Variants in TRERF1 observed in about 807,000 individuals in gnomAD.
The protein encoded by TRERF1 is transcriptional regulating factor 1.
TRERF1 carries 27 observed loss-of-function variants against 122.9 expected under a neutral mutation model. The observed-to-expected ratio is 0.22, with a 90% CI of 0.16 to 0.30. TRERF1 has a LOEUF of 0.30. TRERF1 is among the 10% of genes least tolerant of loss of function. The pLI is 1.00. For missense variants in TRERF1, 1,248 were observed against 1,560.3 expected (o/e 0.80, Z 3.37); for synonymous variants, 636 against 641.7 (o/e 0.99, Z 0.13).
chr6:42,363,501 C>T (rs1772163770), intron 2 of TRERF1, among the ~76,000 whole-genome samples: 2 of 152,092 alleles, frequency 1.3e-5, no homozygotes, highest in Admixed American at 6.5e-5. Flanking sequence ...AATTAGTTGT[C>T]CCACTCCTCC....
Position 42,228,648 on chromosome 6 carries a change from G to A in TRERF1, c.3300C>T (p.Ser1100=). ...TGTGAGTTTTCATGTGTGCATTTCG[G>A]CTTTTGATCTTGAAGAAGACTCTAA... Residue 1100 remains serine (S), a synonymous_variant, in exon 18 of 18, where the codon AGC becomes AGT. Coordinates refer to ENST00000372922, the Ensembl canonical transcript of TRERF1. The surrounding 1 kb of genome is among the most constrained non-coding windows in gnomAD (Gnocchi z 4.2). The A allele has an allele frequency of 6.2e-7, 1 of 1,601,050 alleles. No individual in the cohort carries two copies. Among genetic ancestry groups the A allele is most frequent in the African/African-American group, 1.3e-5 (1 of 74,118 alleles).
intron 2 of TRERF1, among the ~76,000 whole-genome samples, chr6:42,395,273 C>G (rs931194993): frequency 1.3e-5 from 2 of 152,192 alleles, no homozygotes. Flanking sequence ...GCCCAGATGC[C>G]CCACCCACCT....
chr6:42,324,322 T>C (rs1173313820), intron 3 of TRERF1, among the ~76,000 whole-genome samples: 2 of 152,232 alleles, frequency 1.3e-5, no homozygotes, highest in East Asian at 1.9e-4. Context: ...AAAATGTCCA[T>C]ACTGCCTAAA....
At chr6:42,423,503 A>G (rs1783118870) in intron 2 of TRERF1, among the ~76,000 whole-genome samples, 1 of 152,028 alleles carries the variant, frequency 6.6e-6, no homozygotes, top group Admixed American at 6.6e-5. Flanking sequence ...GGAATCACAC[A>G]CCTGGCTGCA....
chr6:42,304,609 C>T (rs1038115263), intron 3 of TRERF1, among the ~76,000 whole-genome samples: 5 of 152,274 alleles, frequency 3.3e-5, no homozygotes, highest in Admixed American at 6.5e-5. Context: ...TGATGACTTG[C>T]TATTTCTTGG....
At chr6:42,238,094 TG>T (rs1174859226) in intron 15 of TRERF1, among the ~76,000 whole-genome samples, 2 of 152,224 alleles carry the variant, frequency 1.3e-5, no homozygotes, top group African/African-American at 4.8e-5. Flanking sequence ...GTCTTATTTC[TG>T]TAAGACTCCA....
chr6:42,383,388 A>C (rs1450852771), intron 2 of TRERF1, among the ~76,000 whole-genome samples: 1 of 152,074 alleles, frequency 6.6e-6, no homozygotes, highest in Non-Finnish European at 1.5e-5. Context: ...AAGCTGCCTA[A>C]ATGCAAACAC....
In TRERF1 at chr6:42,427,675, G is replaced by A. The variant is rs756909639; in HGVS notation, c.-454+23502C>T. On this transcript the variant is annotated intron_variant, in intron 2 of 17. Coordinates refer to ENST00000372922, the Ensembl canonical transcript of TRERF1. ...AGCAATCCTCCCACCTCAGCCTCCC[G>A]AGTAGCTGGGACTACAGGTGTGTGC... is the stretch of plus-strand genomic sequence containing the variant. 4.7e-5 allele frequency among the ~76,000 whole-genome samples: 7 copies of A among 150,374 alleles called. 1 individual carries two copies. The highest frequency in any genetic ancestry group is 7.4e-5 in the African/African-American group (3 of 40,762).
rs397977723 is a variant in TRERF1 at position 42,320,506 on chromosome 6, AT to A, written c.-370-19758del. ...TCACTACCAAAACAAAAGTGAAAGAATTTTTTTTTTTTTTTTTGAGACTGAG... is the reference window on the plus strand; with the variant it reads ...TCACTACCAAAACAAAAGTGAAAGAATTTTTTTTTTTTTTTTGAGACTGAG... On this transcript the variant is annotated intron_variant, in intron 3 of 17. Coordinates refer to ENST00000372922, the Ensembl canonical transcript of TRERF1. 3.7e-3 allele frequency among the ~76,000 whole-genome samples: 499 copies of A among 136,652 alleles called. 1 individual carries two copies. Among genetic ancestry groups the A allele is most frequent in the Middle Eastern group, 0.014 (4 of 278 alleles). The allele number at this position is 136,652 out of a possible 152,430, so 89.6% of individuals were successfully genotyped here. A position where few individuals can be genotyped will look rare whatever the true frequency, so the allele number is the denominator to read the frequency against.
intron 4 of TRERF1, among the ~76,000 whole-genome samples, chr6:42,294,112 AAAGAG>A (rs199556706): frequency 0.011 from 1,734 of 152,258 alleles, 31 homozygotes; most frequent in African/African-American, 0.039. Flanking sequence ...ATCTTTTGGA[AAAGAG>A]AAGAGAGTGA....
At chr6:42,368,031 A>T (rs1201111989) in intron 2 of TRERF1, among the ~76,000 whole-genome samples, 2 of 152,010 alleles carry the variant, frequency 1.3e-5, no homozygotes, top group African/African-American at 4.8e-5. Context: ...GGGGCTCGAT[A>T]ACTTCAGTTC....
intron 4 of TRERF1, among the ~76,000 whole-genome samples, chr6:42,294,240 G>A (rs1411139974): frequency 6.9e-6 from 1 of 144,406 alleles, no homozygotes; most frequent in Non-Finnish European, 1.5e-5. Flanking sequence ...GGAGTGCAGT[G>A]GTGCAATCTC....
intron 14 of TRERF1, 142 bp downstream of exon 14, chr6:42,246,314 C>A (rs2149623756): frequency 1.5e-6 from 1 of 679,274 alleles, no homozygotes. Context: ...CCACCCCTAT[C>A]TCCACTACCA....
intron 2 of TRERF1, among the ~76,000 whole-genome samples, chr6:42,434,584 A>G (rs949370249): frequency 6.6e-6 from 1 of 151,390 alleles, no homozygotes; most frequent in Non-Finnish European, 1.5e-5. Context: ...AGGGGAAAAA[A>G]ATCTCCCAAA....
chr6:42,344,962 G>A (rs532137538), intron 3 of TRERF1, among the ~76,000 whole-genome samples: 5 of 152,292 alleles, frequency 3.3e-5, no homozygotes, highest in African/African-American at 1.2e-4. Flanking sequence ...CAGCACCCAG[G>A]ACAGTGCTGG....
chr6:42,432,935 T>C (rs1417094333), intron 2 of TRERF1, among the ~76,000 whole-genome samples: 4 of 151,974 alleles, frequency 2.6e-5, no homozygotes, highest in South Asian at 2.1e-4. Context: ...GATACGAAAT[T>C]AGACTTCGCT....
intron 2 of TRERF1, among the ~76,000 whole-genome samples, chr6:42,434,669 C>CACACAGACAG (rs141843215): frequency 2.9e-4 from 18 of 62,496 alleles, no homozygotes; most frequent in African/African-American, 1.3e-3. Context: ...CACCCTCCAC[C>CACACAGACAG]ACACACACAC....
chr6:42,315,361 C>T (rs973243917), intron 3 of TRERF1, among the ~76,000 whole-genome samples: 6 of 152,200 alleles, frequency 3.9e-5, no homozygotes, highest in Admixed American at 2.6e-4. Context: ...CCTCACAAGT[C>T]ACAGTAAGAA....
chr6:42,354,695 G>A (rs1242931660), intron 3 of TRERF1, among the ~76,000 whole-genome samples: 2 of 152,004 alleles, frequency 1.3e-5, no homozygotes, highest in African/African-American at 2.4e-5. Flanking sequence ...AACTATCCTA[G>A]TTCACTAATC....
Sources: allele counts gnomAD v4.1 joint callset (sites outside exome capture counted in the v4.1 genomes callset), GRCh38; gene constraint gnomAD v4.1.1; non-coding constraint Gnocchi (gnomAD v3.1); transcripts MANE v1.5; gene names NCBI Gene and HGNC (gene_info 2026-07-23, HGNC 2026-07-21).